GLB1: variants seen among roughly 807,000 people sequenced by gnomAD.
The protein encoded by GLB1 is galactosidase beta 1.
Under a neutral mutation model 74.0 loss-of-function variants are expected in GLB1, and 56 were observed. The ratio of observed to expected loss-of-function variants is 0.76; its 90% CI spans 0.61 to 0.94. The LOEUF (loss-of-function observed/expected upper bound fraction) is 0.94, where lower values mean the gene tolerates loss of function less well. Ranked by LOEUF, GLB1 falls within the 40% of genes least tolerant of loss-of-function variation. The probability of loss-of-function intolerance (pLI) is 0.00; values close to 1 mark genes in which losing one functional copy is unlikely to be tolerated. For missense variants in GLB1, 787 were observed against 845.5 expected (o/e 0.93, Z 0.86); for synonymous variants, 323 against 323.6 (o/e 1.00, Z 0.02).
At chr3:33,013,655 T>C (rs985805382) in intron 15 of GLB1, among the ~76,000 whole-genome samples, 5 of 152,126 alleles carry the variant, frequency 3.3e-5, no homozygotes, top group Non-Finnish European at 7.4e-5. Flanking sequence ...TGGGGCTGGA[T>C]GCAGGTGGGG....
the GLB1 span, among the ~76,000 whole-genome samples, chr3:32,990,708 T>C: frequency 6.6e-6 from 1 of 152,116 alleles, no homozygotes; most frequent in Admixed American, 6.5e-5. Flanking sequence ...GCGCGGTGGC[T>C]CACGCCTGTA....
the GLB1 span, among the ~76,000 whole-genome samples, chr3:32,987,642 C>G: frequency 1.3e-5 from 2 of 152,158 alleles, no homozygotes; most frequent in Non-Finnish European, 2.9e-5. Flanking sequence ...CTAACTAAAC[C>G]TTTTGAAGGC....
rs1398424263 is a variant in GLB1, at chr3:33,016,828, C to T, written c.1360G>A (p.Val454Ile). The change falls in exon 14 of 16, where the codon GTC (valine) becomes ATC (isoleucine). Residue 454 changes from valine to isoleucine, a missense_variant. Transcript: ENST00000307363. ...YVAVDGIPQGVLERNNVITLN... is the reference protein window; with the variant it reads ...YVAVDGIPQGILERNNVITLN... ...GTGATCACATTGTTTCGCTCAAGGA[C>T]TCCCTGGGGGATCTGTGGGGTTCAA... is the stretch of plus-strand genomic sequence containing the variant. 12 of 1,614,056 alleles carry T rather than the reference C, an allele frequency of 7.4e-6. No individual in the cohort carries two copies. Among genetic ancestry groups the T allele is most frequent in the Non-Finnish European group, 1.0e-5 (12 of 1,179,948 alleles).
the GLB1 span, among the ~76,000 whole-genome samples, chr3:32,985,587 C>T: frequency 2.6e-5 from 4 of 151,794 alleles, no homozygotes; most frequent in East Asian, 7.8e-4. Flanking sequence ...CTACTATGCC[C>T]GGCCTATGTT....
At chr3:33,050,008 C>A (rs1179672209) in intron 9 of GLB1, among the ~76,000 whole-genome samples, 6 of 152,166 alleles carry the variant, frequency 3.9e-5, no homozygotes, top group Admixed American at 3.9e-4. Context: ...TAGGCCCAAA[C>A]TAAGCCTTCA....
At chr3:32,973,443 C>T in the GLB1 span, among the ~76,000 whole-genome samples, 1 of 152,126 alleles carries the variant, frequency 6.6e-6, no homozygotes, top group Admixed American at 6.6e-5. Context: ...AAGCAATTCT[C>T]ATGCCTCAGC....
rs1341474006 is a variant in GLB1, at chr3:33,021,390, C to T, written c.1233+176G>A. On this transcript the variant is annotated intron_variant, in intron 12 of 15. Coordinates refer to ENST00000307363, the MANE Select transcript of GLB1 (RefSeq NM_000404.4). ...GCAAAAAATATAGGCATGATCAGCC[C>T]ACCACGCAGCACTTCAAGCTAAAGA... 3 of 728,118 alleles carry T rather than the reference C, an allele frequency of 4.1e-6. No homozygotes were observed. In the East Asian group the frequency reaches 8.1e-5, roughly 20 times the overall value. 45.1% of individuals were successfully genotyped at this position (728,118 alleles called of 1,614,324 possible). A position where few individuals can be genotyped will look rare whatever the true frequency, so the allele number is the denominator to read the frequency against.
intron 1 of GLB1, among the ~76,000 whole-genome samples, chr3:33,088,766 T>G (rs1163340380): frequency 6.6e-6 from 1 of 152,204 alleles, no homozygotes; most frequent in African/African-American, 2.4e-5. Context: ...TAGCATTTCT[T>G]GCAGAAATAG....
chr3:33,070,939 C>T (rs1340923284), intron 2 of GLB1, among the ~76,000 whole-genome samples: 1 of 152,128 alleles, frequency 6.6e-6, no homozygotes, highest in Non-Finnish European at 1.5e-5. Context: ...TAGTAAGAGA[C>T]ATATTTATTT....
rs534458618 is a variant in GLB1, at chr3:33,024,808, G to A, written c.1069-483C>T. On this transcript the variant is annotated intron_variant, in intron 10 of 15. Transcript: ENST00000307363. Reference sequence around the variant, plus strand: ...CGAAGTATTTAAAGGTAAAGGCCGTGATGTATGCAATCCTCCAATGATTTA... The same window carrying A: ...CGAAGTATTTAAAGGTAAAGGCCGTAATGTATGCAATCCTCCAATGATTTA... 4.6e-5 allele frequency among the ~76,000 whole-genome samples: 7 copies of A among 152,336 alleles called. 1 individual carries two copies. Among genetic ancestry groups the A allele is most frequent in the African/African-American group, 1.7e-4 (7 of 41,584 alleles).
chr3:33,040,097 T>C (rs1698439538), intron 10 of GLB1, among the ~76,000 whole-genome samples: 1 of 152,174 alleles, frequency 6.6e-6, no homozygotes, highest in African/African-American at 2.4e-5. Context: ...TGTGATATAA[T>C]AAATATTTGT....
rs537002100 is a variant in GLB1 at position 33,065,123 on chromosome 3, G to A, written c.552+340C>T. Among the ~76,000 whole-genome samples, 4 of 152,250 alleles carry A rather than the reference G, an allele frequency of 2.6e-5. No individual in the cohort carries two copies. The South Asian group carries it at 8.3e-4, about 32-fold the overall frequency. On this transcript the variant is annotated intron_variant, in intron 5 of 15. Coordinates refer to ENST00000307363, the MANE Select transcript of GLB1 (RefSeq NM_000404.4). ...GGAGAAACAGAGAGACAAACTCTGG[G>A]ATCCACAGAATTAGGGTGCTATCCT... is the stretch of plus-strand genomic sequence containing the variant.
At chr3:33,042,424 G>A (rs1287535622) in intron 10 of GLB1, among the ~76,000 whole-genome samples, 1 of 142,622 alleles carries the variant, frequency 7.0e-6, no homozygotes, top group Non-Finnish European at 1.5e-5. Context: ...CTGGAGTGCA[G>A]TGGCGTGATC....
At chr3:33,044,947 A>G (rs1014291374) in intron 10 of GLB1, among the ~76,000 whole-genome samples, 6 of 152,242 alleles carry the variant, frequency 3.9e-5, no homozygotes, top group African/African-American at 1.4e-4. Flanking sequence ...GTCCAGAAAC[A>G]GCAATCACTT....
intron 13 of GLB1, among the ~76,000 whole-genome samples, chr3:33,017,411 G>A (rs1697279923): frequency 6.6e-6 from 1 of 152,142 alleles, no homozygotes; most frequent in Admixed American, 6.5e-5. Flanking sequence ...ACCTTACAAT[G>A]ATCATAATTC....
In GLB1 at chr3:33,014,289, G is replaced by C. The variant is rs762655673; in HGVS notation, c.1501C>G (p.Leu501Val). 71 of 1,614,032 alleles carry C rather than the reference G, an allele frequency of 4.4e-5. No homozygotes were observed. The South Asian group carries it at 7.2e-4, about 16-fold the overall frequency. Reference protein sequence around the residue: ...DFKGLVSNLTLSSNILTDWTI... With the variant: ...DFKGLVSNLTVSSNILTDWTI... ...CAGTCCGTGAGGATATTGGAACTGAGAGTCAGGTTAGAAACCAAACCCTGC... is the reference window on the plus strand; with the variant it reads ...CAGTCCGTGAGGATATTGGAACTGACAGTCAGGTTAGAAACCAAACCCTGC... The change falls in exon 15 of 16, where the codon CTC (leucine) becomes GTC (valine). Residue 501 changes from leucine (L) to valine (V), a missense_variant. Leu to Val is a conservative substitution (Grantham distance 32). Transcript: ENST00000307363.
At chr3:33,095,257 G>A (rs1408914036) in intron 1 of GLB1, among the ~76,000 whole-genome samples, 1 of 148,954 alleles carries the variant, frequency 6.7e-6, no homozygotes, top group Non-Finnish European at 1.5e-5. Flanking sequence ...TTAATTTCTA[G>A]GACAGCTAAA....
chr3:32,985,377 G>C, the GLB1 span, among the ~76,000 whole-genome samples: 1 of 151,696 alleles, frequency 6.6e-6, no homozygotes, highest in Non-Finnish European at 1.5e-5. Flanking sequence ...TGCAACCTCT[G>C]CCTCCCGGGT....
In GLB1 at chr3:33,068,107, G is replaced by A. The variant is rs554380241; in HGVS notation, c.457+123C>T. On this transcript the variant is annotated intron_variant, in intron 4 of 15. Coordinates refer to ENST00000307363, the MANE Select transcript of GLB1 (RefSeq NM_000404.4). ...TTGCCATTTTGGCCAGCCTGGTCTC[G>A]AACTCCCAACCTCAGGTAATCCACC... 2.8e-4 allele frequency: 397 copies of A among 1,421,000 alleles called. 2 individuals carry two copies. In the African/African-American group the frequency reaches 5.1e-3, roughly 18 times the overall value. The allele number at this position is 1,421,000 out of a possible 1,614,324, so 88.0% of individuals were successfully genotyped here.
Sources: gnomAD v4.1 joint callset for allele counts (sites outside exome capture counted in the v4.1 genomes callset) on GRCh38, gnomAD v4.1.1 for gene constraint, MANE v1.5 for transcripts, NCBI Gene and HGNC (gene_info 2026-07-23, HGNC 2026-07-21) for gene names.